NMI: variants seen among roughly 807,000 people sequenced by gnomAD.
The protein encoded by NMI is N-myc and STAT interactor.
A neutral mutation model predicts 34.3 loss-of-function variants in NMI; 39 were observed. The ratio of observed to expected loss-of-function variants is 1.14; its 90% confidence interval spans 0.88 to 1.49. NMI has a LOEUF of 1.49. NMI is among the 40% of genes most tolerant of loss of function. The pLI is 0.00. For synonymous variants in NMI, 113 were observed against 120.3 expected, an observed-to-expected ratio of 0.94 and a Z score of 0.40; for missense variants, 339 against 358.1, an observed-to-expected ratio of 0.95 and a Z score of 0.43.
chr2:151,271,677 G>A lies in NMI; in HGVS notation c.690C>T (p.Cys230=). ...KEYPLYINQT[C]HRVTVSPYTE... ...TGTATGGAGAAACAGTAACTCTATG[G>A]CAGGTTTGATTTATATAAAGAGGGT... Residue 230 remains cysteine, a synonymous_variant, in exon 7 of 8, where the codon TGC becomes TGT. Coordinates refer to ENST00000243346, the MANE Select transcript of NMI (RefSeq NM_004688.3). 1 of 1,591,082 alleles carries A rather than the reference G, an allele frequency of 6.3e-7. No homozygotes were observed. Among genetic ancestry groups the A allele is most frequent in the Non-Finnish European group, 8.6e-7 (1 of 1,160,770 alleles).
chr2:151,275,881 G>A lies in NMI; in HGVS notation c.341-17C>T, dbSNP rs1482161715. ...TTTGAGCAACTGAAAAATAATTCAG[G>A]AAGGAAGTATTAATTTCCAATATTT... On this transcript the variant is annotated splice_polypyrimidine_tract_variant and intron_variant, in intron 4 of 7. Transcript: ENST00000243346. 1.5e-5 allele frequency: 21 copies of A among 1,416,584 alleles called. No homozygotes were observed. The highest frequency in any genetic ancestry group is 2.1e-5 in the Non-Finnish European group (21 of 1,020,452). 87.8% of individuals were successfully genotyped at this position (1,416,584 alleles called of 1,614,324 possible). A position where few individuals can be genotyped will look rare whatever the true frequency, so the allele number is the denominator to read the frequency against.
chr2:151,271,880 A>C (rs1683194414), intron 6 of NMI, 148 bp from the exon 7 acceptor site: 16 of 565,540 alleles, frequency 2.8e-5, no homozygotes, highest in South Asian at 2.0e-4. Flanking sequence ...CACTTTGAAG[A>C]CTTCACAGTA....
rs1683412557 is a variant in NMI, at chr2:151,281,925, AT to A, written c.177+22del. The A allele has an allele frequency of 2.6e-6, 3 of 1,152,722 alleles. No individual in the cohort carries two copies. The Admixed American group carries it at 5.9e-5, about 23-fold the overall frequency. The allele number at this position is 1,152,722 out of a possible 1,614,324, so 71.4% of individuals were successfully genotyped here. On this transcript the variant is annotated intron_variant, in intron 3 of 7. Coordinates refer to ENST00000243346, the MANE Select transcript of NMI (RefSeq NM_004688.3). ...ACCATGCATCCATCAAAAATGTAGTATATAAAATAATTAAGAGAGTACCTGG... is the reference window on the plus strand; with the variant it reads ...ACCATGCATCCATCAAAAATGTAGTAATAAAATAATTAAGAGAGTACCTGG...
At chr2:151,278,072 A>C (rs1573744417) in intron 4 of NMI, 1 of 152,238 alleles carries the variant, frequency 6.6e-6, no homozygotes, top group East Asian at 1.9e-4. Flanking sequence ...GTTTGTATTA[A>C]GTGTCCAACA....
chr2:151,278,579 A>G (rs1683329820), intron 4 of NMI: 1 of 428,788 alleles, frequency 2.3e-6, no homozygotes, highest in Non-Finnish European at 4.3e-6. Flanking sequence ...AGAGGCTGGT[A>G]TTGGACATCA....
At chr2:151,289,221 C>T (rs1448007881) in intron 1 of NMI, 16 of 138,078 alleles carry the variant, frequency 1.2e-4, no homozygotes, top group African/African-American at 4.4e-4. Context: ...CCACTGCACT[C>T]CAGCCTGAGC....
intron 3 of NMI, 24 bp downstream of exon 3, chr2:151,281,924 T>A: frequency 1.8e-6 from 2 of 1,124,374 alleles, no homozygotes; most frequent in Non-Finnish European, 2.7e-6. Context: ...AAAAATGTAG[T>A]ATATAAAATA....
In NMI at chr2:151,282,501, T is replaced by A. The variant is rs1284652787; in HGVS notation, c.81+367A>T. On this transcript the variant is annotated intron_variant, in intron 2 of 7. Coordinates refer to ENST00000243346, the MANE Select transcript of NMI (RefSeq NM_004688.3). ...CTGTGATTCCCATAGTATCGCATAG[T>A]ACACAGTTACCTTAATGAGCCAGAC... Among the ~76,000 whole-genome samples the A allele has an allele frequency of 4.6e-5, 7 of 152,224 alleles. No homozygotes were observed. The East Asian group carries it at 1.2e-3, about 25-fold the overall frequency.
intron 3 of NMI, among the ~76,000 whole-genome samples, chr2:151,280,364 T>C (rs1337299934): frequency 6.6e-6 from 1 of 152,230 alleles, no homozygotes; most frequent in African/African-American, 2.4e-5. Context: ...ACACAGAGAT[T>C]AGAAATATTC....
Position 151,270,660 on chromosome 2 carries a change from T to TA in NMI, c.*32dup. The TA allele has an allele frequency of 6.5e-7, 1 of 1,535,210 alleles. No homozygotes were observed. Among genetic ancestry groups the TA allele is most frequent in the Non-Finnish European group, 8.9e-7 (1 of 1,129,890 alleles). On this transcript the variant is annotated 3_prime_UTR_variant, in exon 8 of 8. Transcript: ENST00000243346. The stretch of plus-strand genomic sequence containing the variant: ...GTCAAACATTTACAGTAATCCGGGT[T>TA]AAAAAGCTATAGTTTTCATGATTCT...
At chr2:151,283,537 G>A (rs1238047006) in intron 1 of NMI, among the ~76,000 whole-genome samples, 1 of 152,152 alleles carries the variant, frequency 6.6e-6, no homozygotes, top group African/African-American at 2.4e-5. Flanking sequence ...GAACATTAAT[G>A]TTCCTTTGTA....
intron 1 of NMI, among the ~76,000 whole-genome samples, chr2:151,288,015 A>G (rs1385822791): frequency 1.3e-5 from 2 of 152,302 alleles, no homozygotes; most frequent in South Asian, 4.1e-4. Context: ...ATGGTCTACT[A>G]TCTAACACCA....
At position 151,275,673 on chromosome 2, in the gene NMI, G is replaced by A; in HGVS notation, c.448-3C>T. ...ATTTTAGAAACTTCTACATAAACCT[G>A]GAAAATGATTTGATGTTCAGAAATA... On this transcript the variant is annotated splice_region_variant and splice_polypyrimidine_tract_variant and intron_variant, in intron 5 of 7. Transcript: ENST00000243346. 1 of 1,613,620 alleles carries A rather than the reference G, an allele frequency of 6.2e-7. No homozygotes were observed. Among genetic ancestry groups the A allele is most frequent in the Non-Finnish European group, 8.5e-7 (1 of 1,179,626 alleles).
intron 3 of NMI, among the ~76,000 whole-genome samples, chr2:151,281,085 G>T (rs533306298): frequency 6.6e-6 from 1 of 151,884 alleles, no homozygotes; most frequent in African/African-American, 2.4e-5. Flanking sequence ...TGATCCACCC[G>T]CCTCAGCCTC....
At chr2:151,280,682 C>T (rs1423410389) in intron 3 of NMI, among the ~76,000 whole-genome samples, 1 of 152,124 alleles carries the variant, frequency 6.6e-6, no homozygotes, top group Non-Finnish European at 1.5e-5. Flanking sequence ...TCTAAAGGCT[C>T]TTTGAGTTAT....
intron 3 of NMI, among the ~76,000 whole-genome samples, chr2:151,280,201 A>AAAAAAAAAAG (rs1683363797): frequency 6.6e-6 from 1 of 152,006 alleles, no homozygotes; most frequent in South Asian, 2.1e-4. Flanking sequence ...GTTTCAAAAA[A>AAAAAAAAAAG]AAAAATTGTA....
rs1344874014 is a variant in NMI at position 151,270,707 on chromosome 2, A to G, written c.910T>C (p.Tyr304His). ...TTCTGTTAAGTCTATTCTTCAAAGT[A>G]TGCTATGTGAGGTTGACCTAGAGAA... is the stretch of plus-strand genomic sequence containing the variant. ...KCSLGQPHIA[Y>H]FEE is the part of the protein sequence containing the mutation. Residue 304 changes from tyrosine (Y) to histidine (H), a missense_variant, in exon 8 of 8, where the codon TAC becomes CAC. Coordinates refer to ENST00000243346, the MANE Select transcript of NMI (RefSeq NM_004688.3). 1.2e-6 allele frequency: 2 copies of G among 1,613,248 alleles called. No homozygotes were observed. The highest frequency in any genetic ancestry group is 1.7e-6 in the Non-Finnish European group (2 of 1,179,464).
chr2:151,285,380 TA>T (rs1307385323), intron 1 of NMI, among the ~76,000 whole-genome samples: 6 of 148,086 alleles, frequency 4.1e-5, no homozygotes, highest in Non-Finnish European at 7.4e-5. Flanking sequence ...GATAGATAGA[TA>T]GATAGATAGA....
Position 151,278,818 on chromosome 2 carries a change from T to C in NMI, c.340+10A>G. ...AATAACATGGTCATATTTTTTAACA[T>C]TAGTCATACCTTCTTCTTTTTCAAA... On this transcript the variant is annotated intron_variant, in intron 4 of 7. Coordinates refer to ENST00000243346, the MANE Select transcript of NMI (RefSeq NM_004688.3). The C allele has an allele frequency of 6.2e-7, 1 of 1,607,288 alleles. No homozygotes were observed. Among genetic ancestry groups the C allele is most frequent in the Non-Finnish European group, 8.5e-7 (1 of 1,174,688 alleles).
Sources: gnomAD v4.1 joint callset for allele counts (sites outside exome capture counted in the v4.1 genomes callset) on GRCh38, gnomAD v4.1.1 for gene constraint, MANE v1.5 for transcripts, NCBI Gene and HGNC (gene_info 2026-07-23, HGNC 2026-07-21) for gene names.